Variants in KCNH1 observed in about 807,000 individuals in gnomAD.
The protein encoded by KCNH1 is voltage-gated delayed rectifier potassium channel KCNH1.
A neutral mutation model predicts 69.2 loss-of-function variants in KCNH1; 27 were observed. The ratio of observed to expected loss-of-function variants is 0.39; its 90% CI spans 0.29 to 0.54. The LOEUF is 0.54. Among genes scored for constraint, KCNH1 ranks in the 20% least tolerant of loss-of-function variants. The probability of loss-of-function intolerance (pLI) is 0.68; values close to 1 mark genes in which losing one functional copy is unlikely to be tolerated. For synonymous variants in KCNH1, 456 were observed against 487.7 expected (o/e 0.93, Z 0.86); for missense variants, 798 against 1,261.6 (o/e 0.63, Z 5.57).
chr1:210,942,659 A>C (rs994685868), intron 6 of KCNH1, among the ~76,000 whole-genome samples: 1 of 152,166 alleles, frequency 6.6e-6, no homozygotes, highest in African/African-American at 2.4e-5. Context: ...TATATACTGG[A>C]CCTAAACAGC....
chr1:210,876,762 G>C (rs149732562), intron 7 of KCNH1, among the ~76,000 whole-genome samples: 2 of 151,996 alleles, frequency 1.3e-5, no homozygotes, highest in Non-Finnish European at 2.9e-5. Flanking sequence ...AGCACAAAGC[G>C]CTCAGCTCTG....
intron 4 of KCNH1, among the ~76,000 whole-genome samples, chr1:211,086,223 G>C (rs1690949912): frequency 6.6e-6 from 1 of 152,082 alleles, no homozygotes; most frequent in Admixed American, 6.5e-5. Context: ...ACTTCTGTCT[G>C]GGTTTCCAAT....
intron 10 of KCNH1, among the ~76,000 whole-genome samples, chr1:210,735,174 C>T (rs1682842893): frequency 6.6e-6 from 1 of 152,028 alleles, no homozygotes; most frequent in Admixed American, 6.5e-5. Context: ...GTGGTGAAGC[C>T]CCCTCATCTG....
At chr1:210,848,328 C>G (rs1217467506) in intron 7 of KCNH1, among the ~76,000 whole-genome samples, 1 of 152,184 alleles carries the variant, frequency 6.6e-6, no homozygotes, top group Non-Finnish European at 1.5e-5. Context: ...TCACATTTCT[C>G]TTACTGACTG....
At chr1:210,786,039 C>T (rs967536954) in intron 9 of KCNH1, among the ~76,000 whole-genome samples, 4 of 152,134 alleles carry the variant, frequency 2.6e-5, no homozygotes, top group African/African-American at 9.7e-5. Context: ...TATTTTCTCT[C>T]TTGGTTCAGA....
intron 7 of KCNH1, among the ~76,000 whole-genome samples, chr1:210,893,098 C>T (rs528726008): frequency 1.3e-5 from 2 of 152,244 alleles, no homozygotes. Flanking sequence ...GGCAGAAAGG[C>T]TAGTGTTCTT....
chr1:211,022,271 A>G (rs148642854), intron 5 of KCNH1, among the ~76,000 whole-genome samples: 5,302 of 152,308 alleles, frequency 0.035, 138 homozygotes, highest in Non-Finnish European at 0.056. Context: ...CTGGATATCC[A>G]TATGCAGAAG....
intron 1 of KCNH1, among the ~76,000 whole-genome samples, chr1:211,120,965 C>T (rs1691673396): frequency 6.6e-6 from 1 of 152,096 alleles, no homozygotes; most frequent in African/African-American, 2.4e-5. Flanking sequence ...CCTAGGAATA[C>T]AGCTAACAAG....
chr1:210,935,090 TCATCAA>T (rs1295523925), intron 6 of KCNH1, among the ~76,000 whole-genome samples: 5 of 149,772 alleles, frequency 3.3e-5, no homozygotes, highest in African/African-American at 9.8e-5. Flanking sequence ...TACCTTAGTG[TCATCAA>T]CAGATAAATG....
chr1:211,133,744 G>A lies in KCNH1; in HGVS notation c.79+123C>T. 2.5e-6 allele frequency: 2 copies of A among 814,142 alleles called. No individual in the cohort carries two copies. Among genetic ancestry groups the A allele is most frequent in the Non-Finnish European group, 3.9e-6 (2 of 513,574 alleles). 50.4% of individuals were successfully genotyped at this position (814,142 alleles called of 1,614,324 possible). A position where few individuals can be genotyped will look rare whatever the true frequency, so the allele number is the denominator to read the frequency against. On this transcript the variant is annotated intron_variant, in intron 1 of 10. Transcript: ENST00000271751. This position sits in a 1 kb window ranked among gnomAD's most constrained non-coding sequence, Gnocchi z 5.4. ...CGGGGAGGCTGCCCTGGGTGCCCGCGCCGCGGCTCCTTAGCAGAGCTCGCG... is the reference window on the plus strand; with the variant it reads ...CGGGGAGGCTGCCCTGGGTGCCCGCACCGCGGCTCCTTAGCAGAGCTCGCG...
At chr1:211,130,441 G>A (rs190431784) in intron 1 of KCNH1, among the ~76,000 whole-genome samples, 25 of 152,252 alleles carry the variant, frequency 1.6e-4, no homozygotes, top group African/African-American at 5.8e-4. Context: ...CTGTAAAATA[G>A]GGGCAAGAAC....
chr1:210,907,762 T>G (rs1284502519), intron 7 of KCNH1, among the ~76,000 whole-genome samples: 2 of 151,982 alleles, frequency 1.3e-5, no homozygotes, highest in Admixed American at 6.6e-5. Flanking sequence ...ACATAGCAAT[T>G]GAGAAATGAT....
intron 10 of KCNH1, among the ~76,000 whole-genome samples, chr1:210,767,599 T>C (rs1290403860): frequency 1.3e-5 from 2 of 152,194 alleles, no homozygotes; most frequent in East Asian, 1.9e-4. Flanking sequence ...ACAGATATCA[T>C]TCAAAATTTT....
intron 7 of KCNH1, among the ~76,000 whole-genome samples, chr1:210,875,021 A>G (rs1686337093): frequency 6.6e-6 from 1 of 152,190 alleles, no homozygotes; most frequent in African/African-American, 2.4e-5. Context: ...AAGGGAAGGA[A>G]GGAAGGAGGA....
Position 210,679,968 on chromosome 1 carries a change from A to G in KCNH1, c.*3313T>C, listed in dbSNP as rs1427589239. On this transcript the variant is annotated 3_prime_UTR_variant, in exon 11 of 11. Coordinates refer to ENST00000271751, the MANE Select transcript of KCNH1 (RefSeq NM_172362.3). ...GCAATGAGTTGCATTCATGAATGCA[A>G]TGAGTTGCATTAATTGTACACTAGA... 1 of 151,824 alleles carries G rather than the reference A, an allele frequency of 6.6e-6. No homozygotes were observed. Among genetic ancestry groups the G allele is most frequent in the Non-Finnish European group, 1.5e-5 (1 of 67,990 alleles). 9.4% of individuals were successfully genotyped at this position (151,824 alleles called of 1,614,324 possible).
intron 1 of KCNH1, among the ~76,000 whole-genome samples, chr1:211,128,282 CAAA>C (rs374161835): frequency 9.1e-5 from 5 of 54,842 alleles, no homozygotes; most frequent in Admixed American, 2.1e-4. Context: ...GATTCTGTCT[CAAA>C]AAAAAAAAAA....
intron 8 of KCNH1, among the ~76,000 whole-genome samples, chr1:210,802,600 G>A (rs943114171): frequency 3.3e-5 from 5 of 152,168 alleles, no homozygotes; most frequent in African/African-American, 1.2e-4. Context: ...GAAGCCCACT[G>A]TATGTTTTCT....
At chr1:210,702,878 C>T (rs1012553755) in intron 10 of KCNH1, among the ~76,000 whole-genome samples, 3 of 149,438 alleles carry the variant, frequency 2.0e-5, no homozygotes. Context: ...CTCCGTCTGC[C>T]TTCCGTCTTT....
At chr1:210,798,711 T>C (rs1369348888) in intron 8 of KCNH1, among the ~76,000 whole-genome samples, 1 of 152,150 alleles carries the variant, frequency 6.6e-6, no homozygotes, top group Non-Finnish European at 1.5e-5. Flanking sequence ...CCTGCAGCTG[T>C]CCAGGTGAGA....
Sources: allele counts gnomAD v4.1 joint callset (sites outside exome capture counted in the v4.1 genomes callset), GRCh38; gene constraint gnomAD v4.1.1; non-coding constraint Gnocchi (gnomAD v3.1); transcripts MANE v1.5; gene names NCBI Gene and HGNC (gene_info 2026-07-23, HGNC 2026-07-21).